Variants in SLX9 observed in about 807,000 individuals in gnomAD.
The protein encoded by SLX9 is SLX9 ribosome biogenesis factor, also known as ribosome biogenesis protein SLX9 homolog.
SLX9 carries 19 observed loss-of-function variants against 20.8 expected under a neutral mutation model. That is an observed-to-expected ratio of 0.91 (90% CI 0.64 to 1.34). The LOEUF is 1.34. Ranked by LOEUF, SLX9 falls within the 40% of genes most tolerant of loss-of-function variation. SLX9 has a pLI of 0.00. For synonymous variants in SLX9, 113 were observed against 137.1 expected (o/e 0.82, Z 1.23); for missense variants, 299 against 322.2 (o/e 0.93, Z 0.55).
intron 4 of SLX9, among the ~76,000 whole-genome samples, chr21:44,968,317 C>T (rs537112120): frequency 4.6e-5 from 7 of 152,270 alleles, no homozygotes; most frequent in South Asian, 2.1e-4. Context: ...CACCCGGTGA[C>T]GCAACCCCAC....
At chr21:44,969,005 G>C (rs902075226) in intron 4 of SLX9, 2 of 371,726 alleles carry the variant, frequency 5.4e-6, no homozygotes, top group Non-Finnish European at 1.1e-5. Context: ...CAGCCGCCTC[G>C]GCCTCCCAAA....
intron 1 of SLX9, among the ~76,000 whole-genome samples, chr21:44,942,848 G>T (rs765807207): frequency 1.4e-4 from 21 of 152,150 alleles, no homozygotes; most frequent in Non-Finnish European, 2.6e-4. Flanking sequence ...TGGCTCCTCT[G>T]ATCCATCCCT....
At chr21:44,949,301 G>C (rs895929888) in intron 2 of SLX9, among the ~76,000 whole-genome samples, 15 of 152,138 alleles carry the variant, frequency 9.9e-5, no homozygotes, top group African/African-American at 1.7e-4. Flanking sequence ...GGAGTGGATT[G>C]TGGGCCCTGG....
chr21:44,976,074 C>A (rs1166646384), intron 5 of SLX9, among the ~76,000 whole-genome samples: 1 of 152,254 alleles, frequency 6.6e-6, no homozygotes, highest in Non-Finnish European at 1.5e-5. Context: ...GGCTTCTGTG[C>A]CTGAGAGGGG....
intron 4 of SLX9, 128 bp from the exon 5 acceptor site, chr21:44,973,069 C>T (rs2085185971): frequency 1.7e-6 from 1 of 603,374 alleles, no homozygotes; most frequent in Non-Finnish European, 2.4e-6. Flanking sequence ...ACTTGTGGTT[C>T]TGCAGTGGTT....
Position 44,976,744 on chromosome 21 carries a change from G to A in SLX9, c.634G>A (p.Val212Met). Residue 212 changes from valine to methionine, a missense_variant, in exon 6 of 6, where the codon GTG becomes ATG. Physicochemically the swap from Val to Met is conservative, Grantham distance 21. Coordinates refer to ENST00000291634, the MANE Select transcript of SLX9 (RefSeq NM_058190.4). ...TCCGGCCTACAGAGCCAGCCCCCTG[G>A]TGGCCATCGGGCAGACGCTGGCCCG... ...ASPAYRASPL[V>M]AIGQTLARQM... 6.4e-7 allele frequency: 1 copy of A among 1,564,188 alleles called. No homozygotes were observed. The highest frequency in any genetic ancestry group is 8.7e-7 in the Non-Finnish European group (1 of 1,155,484).
intron 3 of SLX9, among the ~76,000 whole-genome samples, chr21:44,963,261 T>G (rs1267612783): frequency 6.6e-6 from 1 of 152,142 alleles, no homozygotes; most frequent in African/African-American, 2.4e-5. Context: ...GCTAATTTTT[T>G]TGTATTTTTA....
At chr21:44,959,688 A>G (rs1449260572) in intron 2 of SLX9, among the ~76,000 whole-genome samples, 1 of 152,228 alleles carries the variant, frequency 6.6e-6, no homozygotes, top group Non-Finnish European at 1.5e-5. Flanking sequence ...GTGACCACAC[A>G]GGATCTTGGG....
intron 4 of SLX9, among the ~76,000 whole-genome samples, chr21:44,969,900 T>A (rs2085111692): frequency 6.6e-6 from 1 of 152,210 alleles, no homozygotes; most frequent in South Asian, 2.1e-4. Flanking sequence ...AGACTCCTCT[T>A]GGTTTTAATG....
chr21:44,967,485 G>A (rs1034033244), intron 4 of SLX9, among the ~76,000 whole-genome samples: 3 of 152,152 alleles, frequency 2.0e-5, no homozygotes, highest in African/African-American at 4.8e-5. Context: ...AGCTCCTGCC[G>A]GGTCCCACTG....
chr21:44,959,100 A>T, intron 2 of SLX9: 1 of 540,136 alleles, frequency 1.9e-6, no homozygotes, highest in Non-Finnish European at 2.4e-6. Context: ...GGAGGGGATT[A>T]AATCCTGCGG....
intron 3 of SLX9, among the ~76,000 whole-genome samples, chr21:44,965,773 G>A (rs1231222460): frequency 1.3e-5 from 2 of 152,096 alleles, no homozygotes; most frequent in East Asian, 1.9e-4. Flanking sequence ...CTGTCCTCAC[G>A]GGAACCACAT....
rs775123537 is a variant in SLX9 at position 44,967,127 on chromosome 21, A to T, written c.446A>T (p.Asp149Val). 6.2e-7 allele frequency: 1 copy of T among 1,608,392 alleles called. No homozygotes were observed. The highest frequency in any genetic ancestry group is 1.3e-5 in the African/African-American group (1 of 74,870). ...VVVGDLHPLRDALPELLGLEA... is the reference protein window; with the variant it reads ...VVVGDLHPLRVALPELLGLEA... ...GTGGGGGACCTGCACCCTCTCAGGG[A>T]TGCCCTGCCCGAGCTGCTGGGGCTC... The change falls in exon 4 of 6, where the codon GAT becomes GTT. Residue 149 changes from aspartate (D) to valine (V), a missense_variant. Physicochemically the swap from Asp to Val is radical, Grantham distance 152 (BLOSUM62 -3). Coordinates refer to ENST00000291634, the MANE Select transcript of SLX9 (RefSeq NM_058190.4).
intron 5 of SLX9, 104 bp from the exon 6 acceptor site, chr21:44,976,576 C>T (rs1241795411): frequency 6.7e-6 from 10 of 1,492,246 alleles, no homozygotes; most frequent in Non-Finnish European, 9.0e-6. Context: ...CCGTGGTGGC[C>T]CCAGGCCTCT....
chr21:44,975,941 C>A (rs1379921736), intron 5 of SLX9, among the ~76,000 whole-genome samples: 1 of 152,272 alleles, frequency 6.6e-6, no homozygotes, highest in Non-Finnish European at 1.5e-5. Context: ...TGTGGTCCAG[C>A]CTTGCACAAG....
chr21:44,965,690 C>T (rs993560659), intron 3 of SLX9, among the ~76,000 whole-genome samples: 5 of 152,142 alleles, frequency 3.3e-5, no homozygotes, highest in African/African-American at 1.2e-4. Flanking sequence ...TGGGGCTCAC[C>T]CTGCTTGGGC....
At chr21:44,948,277 G>T (rs924706908) in intron 2 of SLX9, among the ~76,000 whole-genome samples, 8 of 150,772 alleles carry the variant, frequency 5.3e-5, no homozygotes, top group Non-Finnish European at 8.9e-5. Flanking sequence ...CGGGCGGTCC[G>T]GGGAGCTGGT....
intron 1 of SLX9, among the ~76,000 whole-genome samples, chr21:44,940,710 A>T (rs2084529585): frequency 7.8e-6 from 1 of 128,898 alleles, no homozygotes; most frequent in Non-Finnish European, 1.6e-5. Flanking sequence ...AAATATTTTG[A>T]CCGATGTGTC....
intron 2 of SLX9, among the ~76,000 whole-genome samples, chr21:44,950,661 C>T (rs890344229): frequency 7.9e-5 from 12 of 152,214 alleles, no homozygotes; most frequent in Admixed American, 1.3e-4. Context: ...CTGTTGGTGG[C>T]GCTTCTCAGG....
Sources: gnomAD v4.1 joint callset for allele counts (sites outside exome capture counted in the v4.1 genomes callset) on GRCh38, gnomAD v4.1.1 for gene constraint, MANE v1.5 for transcripts, NCBI Gene and HGNC (gene_info 2026-07-23, HGNC 2026-07-21) for gene names.